Variants in PLPPR5 observed in about 807,000 individuals in gnomAD.
PLPPR5 encodes the protein phospholipid phosphatase-related protein type 5.
A neutral mutation model predicts 33.9 loss-of-function variants in PLPPR5; 16 were observed. The ratio of observed to expected loss-of-function variants is 0.47; its 90% CI spans 0.32 to 0.72. The LOEUF is 0.72. Among genes scored for constraint, PLPPR5 ranks in the 30% least tolerant of loss-of-function variants. PLPPR5 has a pLI of 0.03. For missense variants in PLPPR5, 301 were observed against 406.7 expected, an observed-to-expected ratio of 0.74 and a Z score of 2.23; for synonymous variants, 163 against 150.3, an observed-to-expected ratio of 1.08 and a Z score of -0.62.
Position 98,893,020 on chromosome 1 carries a change from G to C in PLPPR5, c.*52C>G. On this transcript the variant is annotated 3_prime_UTR_variant, in exon 6 of 6. Coordinates refer to ENST00000263177, the MANE Select transcript of PLPPR5 (RefSeq NM_001037317.2). ...AAACAAACTTTGGGTGTTATGAATG[G>C]ATGGTAAAAAGGGATGATGTCCAAT... 6.4e-7 allele frequency: 1 copy of C among 1,570,486 alleles called. No homozygotes were observed. The highest frequency in any genetic ancestry group is 1.7e-5 in the Admixed American group (1 of 57,620).
chr1:98,963,676 T>C (rs1651328083), intron 1 of PLPPR5, among the ~76,000 whole-genome samples: 1 of 152,186 alleles, frequency 6.6e-6, no homozygotes, highest in South Asian at 2.1e-4. Context: ...GATAGGTCAG[T>C]CCCTGCTGCC....
intron 1 of PLPPR5, 103 bp from the exon 2 acceptor site, chr1:98,956,844 T>C (rs1651028697): frequency 3.4e-6 from 3 of 873,486 alleles, no homozygotes; most frequent in Non-Finnish European, 1.6e-6. Flanking sequence ...TGAATGGTAA[T>C]AATCTCAATG....
chr1:98,927,201 G>A (rs563131555), intron 3 of PLPPR5, among the ~76,000 whole-genome samples: 1 of 152,306 alleles, frequency 6.6e-6, no homozygotes, highest in South Asian at 2.1e-4. Context: ...TTCATCATAA[G>A]CACCCATCTT....
At chr1:98,973,995 T>C (rs1055067644) in intron 1 of PLPPR5, among the ~76,000 whole-genome samples, 4 of 151,676 alleles carry the variant, frequency 2.6e-5, no homozygotes, top group African/African-American at 9.7e-5. Context: ...AAGCGTCTGG[T>C]GTAGTAAATC....
chr1:98,944,750 G>C lies in PLPPR5; in HGVS notation c.621+8320C>G, dbSNP rs563517762. ...GGCTCTGCAGCAGCAGGTACAGGCTGTGGGGAAAGCAGCTCTGGTACCTGG... is the reference window on the plus strand; with the variant it reads ...GGCTCTGCAGCAGCAGGTACAGGCTCTGGGGAAAGCAGCTCTGGTACCTGG... On this transcript the variant is annotated intron_variant, in intron 3 of 5. Transcript: ENST00000263177. Among the ~76,000 whole-genome samples, 22 of 152,364 alleles carry C rather than the reference G, an allele frequency of 1.4e-4. No homozygotes were observed. The East Asian group carries it at 3.1e-3, about 21-fold the overall frequency.
chr1:99,002,990 A>G (rs868544921), intron 1 of PLPPR5, among the ~76,000 whole-genome samples: 7 of 147,826 alleles, frequency 4.7e-5, no homozygotes, highest in African/African-American at 1.7e-4. Context: ...TGTCAAATGG[A>G]GAAAAGAGAA....
intron 4 of PLPPR5, among the ~76,000 whole-genome samples, chr1:98,920,072 G>C (rs943436813): frequency 6.6e-6 from 1 of 152,064 alleles, no homozygotes; most frequent in Non-Finnish European, 1.5e-5. Context: ...TGTTCAAAGG[G>C]CTATCATGAA....
At chr1:98,957,121 G>A (rs1016939083) in intron 1 of PLPPR5, among the ~76,000 whole-genome samples, 2 of 149,874 alleles carry the variant, frequency 1.3e-5, no homozygotes, top group Admixed American at 6.7e-5. Context: ...TCACTCATAG[G>A]TGGGAAGTGA....
chr1:98,913,678 CAG>C (rs1442273030), intron 5 of PLPPR5, among the ~76,000 whole-genome samples: 1 of 152,162 alleles, frequency 6.6e-6, no homozygotes. Flanking sequence ...TTATCTCTCA[CAG>C]ATTTACACAA....
chr1:98,907,442 C>T (rs1010675604), intron 5 of PLPPR5, among the ~76,000 whole-genome samples: 1 of 152,086 alleles, frequency 6.6e-6, no homozygotes, highest in Non-Finnish European at 1.5e-5. Context: ...GATCCACCTG[C>T]CTTGGCCTCC....
At chr1:98,977,155 T>C (rs937984960) in intron 1 of PLPPR5, among the ~76,000 whole-genome samples, 5 of 152,068 alleles carry the variant, frequency 3.3e-5, no homozygotes, top group African/African-American at 1.2e-4. Flanking sequence ...TAAAATGCCA[T>C]ATGATGGAGA....
chr1:98,915,812 G>T (rs1432445557), intron 4 of PLPPR5, among the ~76,000 whole-genome samples: 1 of 152,082 alleles, frequency 6.6e-6, no homozygotes, highest in Non-Finnish European at 1.5e-5. Flanking sequence ...CTTCAAAAAT[G>T]CATTCGAGAA....
intron 1 of PLPPR5, among the ~76,000 whole-genome samples, chr1:98,979,683 C>T (rs140002355): frequency 2.6e-5 from 4 of 152,156 alleles, no homozygotes; most frequent in African/African-American, 9.6e-5. Flanking sequence ...TTCTGGCCTC[C>T]AACTGCTGGT....
intron 3 of PLPPR5, among the ~76,000 whole-genome samples, chr1:98,947,682 T>G (rs1287031516): frequency 6.6e-6 from 1 of 151,900 alleles, no homozygotes; most frequent in Non-Finnish European, 1.5e-5. Context: ...TCCATGGTAG[T>G]GAAAATATTG....
At chr1:99,000,238 G>A (rs916591046) in intron 1 of PLPPR5, among the ~76,000 whole-genome samples, 4 of 152,132 alleles carry the variant, frequency 2.6e-5, no homozygotes, top group South Asian at 2.1e-4. Context: ...AATTACAGGC[G>A]TTTTCTGAAA....
intron 1 of PLPPR5, among the ~76,000 whole-genome samples, chr1:98,976,499 C>T (rs1651859546): frequency 6.6e-6 from 1 of 151,690 alleles, no homozygotes; most frequent in Non-Finnish European, 1.5e-5. Flanking sequence ...TTTCCTAAAC[C>T]CACAGAAAAA....
rs1393685634 is a variant in PLPPR5, at chr1:98,930,538, G to T, written c.622-8480C>A. Among the ~76,000 whole-genome samples the T allele has an allele frequency of 2.0e-5, 3 of 152,034 alleles. No individual in the cohort carries two copies. The East Asian group carries it at 5.8e-4, about 29-fold the overall frequency. On this transcript the variant is annotated intron_variant, in intron 3 of 5. Coordinates refer to ENST00000263177, the MANE Select transcript of PLPPR5 (RefSeq NM_001037317.2). Reference sequence around the variant, plus strand: ...CTTAAATTATATAATAACAGAAAAAGACTCATCATACCTTAGAAAGATAAT... The same window carrying T: ...CTTAAATTATATAATAACAGAAAAATACTCATCATACCTTAGAAAGATAAT...
rs55971209 is a variant in PLPPR5, at chr1:98,972,126, T to A, written c.238-15385A>T. Among the ~76,000 whole-genome samples, 306 of 152,156 alleles carry A rather than the reference T, an allele frequency of 2.0e-3. 1 individual carries two copies. Among genetic ancestry groups the A allele is most frequent in the Non-Finnish European group, 3.6e-3 (247 of 67,960 alleles). On this transcript the variant is annotated intron_variant, in intron 1 of 5. Transcript: ENST00000263177. Reference sequence around the variant, plus strand: ...TCATAAAGGGTGTGAGAGGCAGGGATCCTCATTTAGCAGCCTCTCTTCCCA... The same window carrying A: ...TCATAAAGGGTGTGAGAGGCAGGGAACCTCATTTAGCAGCCTCTCTTCCCA...
chr1:98,919,378 G>A (rs1649468214), intron 4 of PLPPR5, among the ~76,000 whole-genome samples: 1 of 152,198 alleles, frequency 6.6e-6, no homozygotes, highest in African/African-American at 2.4e-5. Context: ...CTGAGACATA[G>A]AGACCTGGAG....
Sources: allele counts gnomAD v4.1 joint callset (sites outside exome capture counted in the v4.1 genomes callset), GRCh38; gene constraint gnomAD v4.1.1; transcripts MANE v1.5; gene names NCBI Gene and HGNC (gene_info 2026-07-23, HGNC 2026-07-21).